Variants in ORC1 observed in about 807,000 individuals in gnomAD.
The protein encoded by ORC1 is origin recognition complex subunit 1, also known as origin recognition complex, subunit 1 homolog.
ORC1 carries 61 observed loss-of-function variants against 98.9 expected under a neutral mutation model. That is an observed-to-expected ratio of 0.62 (90% CI 0.50 to 0.76). The LOEUF is 0.76. Ranked by LOEUF, ORC1 falls within the 30% of genes least tolerant of loss-of-function variation. The probability of loss-of-function intolerance (pLI) is 0.00; values close to 1 mark genes in which losing one functional copy is unlikely to be tolerated. For synonymous variants in ORC1, 385 were observed against 406.9 expected (o/e 0.95, Z 0.65); for missense variants, 979 against 1,072.2 (o/e 0.91, Z 1.21).
At position 52,396,359 on chromosome 1, in the gene ORC1, T is replaced by A. The variant is rs1213464827; in HGVS notation, c.408A>T (p.Ile136=). 3 of 1,614,116 alleles carry A rather than the reference T, an allele frequency of 1.9e-6. No individual in the cohort carries two copies. Among genetic ancestry groups the A allele is most frequent in the Non-Finnish European group, 1.7e-6 (2 of 1,180,018 alleles). Residue 136 remains isoleucine, a synonymous_variant, in exon 5 of 17, where the codon ATA becomes ATT. Transcript: ENST00000371568. Reference sequence around the variant, plus strand: ...GTACCACATCCTTTGGGGCTAAAGGTATCACCTGAATTTAGGAAGTATAGA... The same window carrying A: ...GTACCACATCCTTTGGGGCTAAAGGAATCACCTGAATTTAGGAAGTATAGA... ...AETIIGLVRV[I]PLAPKDVVPT... is the part of the protein sequence containing the mutation.
In ORC1 at chr1:52,373,251, T is replaced by C; in HGVS notation, c.2516A>G (p.Asn839Ser). 1 of 1,614,212 alleles carries C rather than the reference T, an allele frequency of 6.2e-7. No homozygotes were observed. Among genetic ancestry groups the C allele is most frequent in the East Asian group, 2.2e-5 (1 of 44,884 alleles). Residue 839 changes from asparagine to serine, a missense_variant, in exon 17 of 17, where the codon AAC becomes AGC. Physicochemically the swap from Asn to Ser is conservative, Grantham distance 46. Coordinates refer to ENST00000371568, the MANE Select transcript of ORC1 (RefSeq NM_004153.4). ...GAGCCGCACCCGAAGGAGCAGATCGTTCCTGCTGGGCTCCACAAGCAGGAG... is the reference window on the plus strand; with the variant it reads ...GAGCCGCACCCGAAGGAGCAGATCGCTCCTGCTGGGCTCCACAAGCAGGAG... The part of the protein sequence containing the change: ...CRLLLVEPSR[N>S]DLLLRVRLNV...
chr1:52,407,930 C>G (rs1320678677), upstream of ORC1, among the ~76,000 whole-genome samples: 1 of 152,264 alleles, frequency 6.6e-6, no homozygotes, highest in Non-Finnish European at 1.5e-5. Context: ...TTGGCACATG[C>G]CTATAATCCC....
At chr1:52,399,610 C>T (rs1230903410) in intron 3 of ORC1, among the ~76,000 whole-genome samples, 1 of 128,220 alleles carries the variant, frequency 7.8e-6, no homozygotes, top group East Asian at 2.2e-4. Flanking sequence ...GGCGACACAG[C>T]GAGACTCTGT....
intron 16 of ORC1, 111 bp from the exon 17 acceptor site, chr1:52,373,486 A>G: frequency 1.1e-6 from 1 of 894,510 alleles, no homozygotes; most frequent in Non-Finnish European, 1.8e-6. Context: ...CAGGATATCA[A>G]ACACTCCAGA....
upstream of ORC1, chr1:52,405,654 G>A: frequency 6.2e-7 from 1 of 1,611,182 alleles, no homozygotes; most frequent in South Asian, 1.1e-5. Context: ...GCCCTAATAT[G>A]TTACTGTATT....
At chr1:52,374,150 G>C (rs759615589) in intron 16 of ORC1, among the ~76,000 whole-genome samples, 1 of 152,220 alleles carries the variant, frequency 6.6e-6, no homozygotes, top group Admixed American at 6.5e-5. Flanking sequence ...GTCACTCTCT[G>C]CAGAAGAGCT....
intron 14 of ORC1, among the ~76,000 whole-genome samples, chr1:52,377,593 C>A (rs531322794): frequency 1.3e-5 from 2 of 151,354 alleles, no homozygotes; most frequent in African/African-American, 4.9e-5. Flanking sequence ...GTTTTTACAA[C>A]CATAAGCCCT....
At position 52,388,566 on chromosome 1, in the gene ORC1, C is replaced by T. The variant is rs757767270; in HGVS notation, c.1259G>A (p.Ser420Asn). ...TGTGGAAGCCTCTTCTTCGTCACTG[C>T]TAGAGTCTGAAATCTCTGCTGCTGG... ...ILPAAEISDS[S>N]SDEEEASTPP... The change falls in exon 8 of 17, where the codon AGC (serine) becomes AAC (asparagine). Residue 420 changes from serine to asparagine, a missense_variant. Coordinates refer to ENST00000371568, the MANE Select transcript of ORC1 (RefSeq NM_004153.4). 1 of 1,614,156 alleles carries T rather than the reference C, an allele frequency of 6.2e-7. No individual in the cohort carries two copies.
intron 8 of ORC1, among the ~76,000 whole-genome samples, chr1:52,386,615 A>G (rs114010547): frequency 1.3e-5 from 2 of 152,304 alleles, no homozygotes; most frequent in Non-Finnish European, 2.9e-5. Context: ...GCCTGGCTAG[A>G]GAGAGAACAA....
At chr1:52,382,632 TGCAGTG>T (rs1237042670) in intron 13 of ORC1, among the ~76,000 whole-genome samples, 1 of 143,826 alleles carries the variant, frequency 7.0e-6, no homozygotes, top group Non-Finnish European at 1.5e-5. Context: ...CAGGCTGGAG[TGCAGTG>T]GCGTGATCCT....
At chr1:52,385,726 G>A in intron 9 of ORC1, 126 bp downstream of exon 9, 1 of 743,604 alleles carries the variant, frequency 1.3e-6, no homozygotes, top group East Asian at 2.7e-5. Flanking sequence ...ACCTAGATAG[G>A]TAAAAGTATA....
intron 5 of ORC1, among the ~76,000 whole-genome samples, chr1:52,394,925 C>T (rs897102940): frequency 6.6e-6 from 1 of 152,222 alleles, no homozygotes; most frequent in Non-Finnish European, 1.5e-5. Context: ...GTTGGGACTA[C>T]AGGTGTGAGC....
In ORC1 at chr1:52,396,347, T is replaced by C. The variant is rs1345228006; in HGVS notation, c.420A>G (p.Pro140=). 1 of 1,614,186 alleles carries C rather than the reference T, an allele frequency of 6.2e-7. No individual in the cohort carries two copies. The highest frequency in any genetic ancestry group is 8.5e-7 in the Non-Finnish European group (1 of 1,180,030). Residue 140 remains proline, a synonymous_variant, in exon 5 of 17, where the codon CCA becomes CCG. Coordinates refer to ENST00000371568, the MANE Select transcript of ORC1 (RefSeq NM_004153.4). ...IGLVRVIPLA[P]KDVVPTNLKN... ...TCAGATTCGTCGGTACCACATCCTT[T>C]GGGGCTAAAGGTATCACCTGAATTT...
rs142492205 is a variant in ORC1, at chr1:52,385,910, G to C, written c.1423C>G (p.Arg475Gly). 1 of 1,613,772 alleles carries C rather than the reference G, an allele frequency of 6.2e-7. No homozygotes were observed. The highest frequency in any genetic ancestry group is 8.5e-7 in the Non-Finnish European group (1 of 1,179,980). ...TCCTGGGCAGCCAGGCTTCGACTAC[G>C]GATCTGAGGAGCGGCACAACGTGGC... ...RTPRCAAPQI[R>G]SRSLAAQEPA... The change falls in exon 9 of 17, where the codon CGT (arginine) becomes GGT (glycine). Residue 475 changes from arginine (R) to glycine (G), a missense_variant. Transcript: ENST00000371568.
At chr1:52,403,018 T>C (rs916877796) in intron 1 of ORC1, among the ~76,000 whole-genome samples, 19 of 152,260 alleles carry the variant, frequency 1.2e-4, no homozygotes, top group Non-Finnish European at 2.8e-4. Context: ...TACTGTGCTC[T>C]TAACTACTTC....
At position 52,397,698 on chromosome 1, in the gene ORC1, A is replaced by C. The variant is rs1160628744; in HGVS notation, c.389T>G (p.Ile130Ser). ...GGCATCACCTACCCGAACAAGGCCA[A>C]TGATGGTCTCCGCATTAATGTTGCT... ...CDSNINAETI[I>S]GLVRVIPLAP... Residue 130 changes from isoleucine to serine, a missense_variant, in exon 4 of 17, where the codon ATT becomes AGT. Ile to Ser is a moderately radical substitution (Grantham distance 142). Transcript: ENST00000371568. The C allele has an allele frequency of 1.2e-6, 2 of 1,614,046 alleles. No individual in the cohort carries two copies. The highest frequency in any genetic ancestry group is 1.3e-5 in the African/African-American group (1 of 74,928).
At chr1:52,393,299 A>T in intron 6 of ORC1, 144 bp downstream of exon 6, 1 of 1,083,658 alleles carries the variant, frequency 9.2e-7, no homozygotes, top group Non-Finnish European at 1.4e-6. Context: ...GAAGAGGCCT[A>T]GAAATCTGTA....
intron 8 of ORC1, 52 bp downstream of exon 8, chr1:52,388,390 T>C: frequency 1.4e-6 from 2 of 1,473,914 alleles, no homozygotes; most frequent in African/African-American, 1.4e-5. Context: ...TTTGTAACTT[T>C]TAAACTAAGA....
chr1:52,401,736 GAAC>G (rs1424900875), intron 2 of ORC1, among the ~76,000 whole-genome samples: 1 of 152,114 alleles, frequency 6.6e-6, no homozygotes, highest in African/African-American at 2.4e-5. Flanking sequence ...TATTGACAAA[GAAC>G]AACAAATGCT....
Sources: allele counts gnomAD v4.1 joint callset (sites outside exome capture counted in the v4.1 genomes callset), GRCh38; gene constraint gnomAD v4.1.1; transcripts MANE v1.5; gene names NCBI Gene and HGNC (gene_info 2026-07-23, HGNC 2026-07-21).